The following SEMA5A variants were observed in gnomAD, a reference collection of about 807,000 sequenced individuals.
SEMA5A encodes semaphorin-5A.
A neutral mutation model predicts 135.5 loss-of-function variants in SEMA5A; 55 were observed. That is an observed-to-expected ratio of 0.41 (90% CI 0.33 to 0.51). SEMA5A has a LOEUF of 0.51. SEMA5A is among the 20% of genes least tolerant of loss of function. The pLI, the probability that SEMA5A is intolerant of heterozygous loss-of-function variation, is 0.37. For synonymous variants in SEMA5A, 580 were observed against 546.5 expected (o/e 1.06, Z -0.85); for missense variants, 1,290 against 1,419.9 (o/e 0.91, Z 1.47).
At chr5:9,542,062 G>T (rs1173060733) in intron 1 of SEMA5A, among the ~76,000 whole-genome samples, 1 of 151,992 alleles carries the variant, frequency 6.6e-6, no homozygotes. Flanking sequence ...CTTTAATTTT[G>T]CTTTTTCTTC....
At chr5:9,088,281 CA>C (rs562762206) in intron 16 of SEMA5A, among the ~76,000 whole-genome samples, 3 of 121,874 alleles carry the variant, frequency 2.5e-5, no homozygotes, top group Non-Finnish European at 4.9e-5. Flanking sequence ...TCCAGCCTGG[CA>C]ACAGAGTGAG....
At chr5:9,103,679 A>G (rs1056289133) in intron 16 of SEMA5A, among the ~76,000 whole-genome samples, 1 of 152,190 alleles carries the variant, frequency 6.6e-6, no homozygotes, top group African/African-American at 2.4e-5. Flanking sequence ...TTTTTGCTGT[A>G]TCTGACGCTG....
At chr5:9,156,553 G>A (rs1742966578) in intron 11 of SEMA5A, among the ~76,000 whole-genome samples, 1 of 152,190 alleles carries the variant, frequency 6.6e-6, no homozygotes, top group Admixed American at 6.5e-5. Context: ...TTAGGAGGGA[G>A]GCAGGGGAAG....
chr5:9,143,797 G>A (rs1276774610), intron 12 of SEMA5A, among the ~76,000 whole-genome samples: 1 of 118,116 alleles, frequency 8.5e-6, no homozygotes, highest in East Asian at 2.3e-4. Flanking sequence ...TGAATCCTGA[G>A]CTGTTTATCT....
intron 4 of SEMA5A, 75 bp from the exon 5 acceptor site, chr5:9,318,492 A>G: frequency 8.1e-7 from 1 of 1,241,740 alleles, no homozygotes; most frequent in Non-Finnish European, 1.1e-6. Flanking sequence ...AAATTTCAAG[A>G]ACAAAGAAAA....
intron 3 of SEMA5A, among the ~76,000 whole-genome samples, chr5:9,349,379 G>C (rs1579389145): frequency 6.6e-6 from 1 of 152,164 alleles, no homozygotes; most frequent in Admixed American, 6.5e-5. Context: ...TGTAGGTACT[G>C]CCTGGAATAC....
At chr5:9,522,269 A>G (rs1254937504) in intron 1 of SEMA5A, among the ~76,000 whole-genome samples, 1 of 152,184 alleles carries the variant, frequency 6.6e-6, no homozygotes, top group East Asian at 1.9e-4. Flanking sequence ...AGGCAGAGAC[A>G]AAGGGCGTAA....
intron 16 of SEMA5A, among the ~76,000 whole-genome samples, chr5:9,088,624 A>G (rs527475459): frequency 7.1e-6 from 1 of 140,578 alleles, no homozygotes; most frequent in East Asian, 2.0e-4. Flanking sequence ...AGCAGCAGGA[A>G]GCCTACATTT....
At chr5:9,539,001 G>A (rs1432995140) in intron 1 of SEMA5A, among the ~76,000 whole-genome samples, 1 of 152,184 alleles carries the variant, frequency 6.6e-6, no homozygotes, top group Non-Finnish European at 1.5e-5. Context: ...CTTTGTAAGT[G>A]TACAATTTAA....
chr5:9,398,775 T>C (rs1490042237), intron 2 of SEMA5A, among the ~76,000 whole-genome samples: 3 of 152,210 alleles, frequency 2.0e-5, no homozygotes, highest in Non-Finnish European at 4.4e-5. Context: ...AGGTTTAATC[T>C]GGAAAATAAA....
intron 5 of SEMA5A, among the ~76,000 whole-genome samples, chr5:9,292,629 G>A (rs1751141936): frequency 6.6e-6 from 1 of 151,906 alleles, no homozygotes; most frequent in South Asian, 2.1e-4. Flanking sequence ...AATTTTCATG[G>A]TGATTTATTC....
In SEMA5A at chr5:9,247,555, T is replaced by C. The variant is rs963626623; in HGVS notation, c.271-9665A>G. Among the ~76,000 whole-genome samples, 3 of 152,288 alleles carry C rather than the reference T, an allele frequency of 2.0e-5. No individual in the cohort carries two copies. The East Asian group carries it at 5.8e-4, about 29-fold the overall frequency. Reference sequence around the variant, plus strand: ...CAGATTATGAATGTTTCCTGGGGAATTGTTTTATACTCATGGAACAACTCA... The same window carrying C: ...CAGATTATGAATGTTTCCTGGGGAACTGTTTTATACTCATGGAACAACTCA... On this transcript the variant is annotated intron_variant, in intron 5 of 22. Transcript: ENST00000382496.
At chr5:9,293,866 G>A (rs1364651764) in intron 5 of SEMA5A, among the ~76,000 whole-genome samples, 2 of 152,288 alleles carry the variant, frequency 1.3e-5, no homozygotes, top group East Asian at 3.9e-4. Flanking sequence ...ATAAAAAATA[G>A]TAATACTGTT....
chr5:9,346,912 GTGTATATA>G (rs1480354813), intron 3 of SEMA5A, among the ~76,000 whole-genome samples: 19 of 150,086 alleles, frequency 1.3e-4, no homozygotes, highest in Non-Finnish European at 2.7e-4. Flanking sequence ...GTGTGTGTGT[GTGTATATA>G]TATATATATG....
Position 9,164,372 on chromosome 5 carries a change from A to G in SEMA5A, c.1274-9677T>C, listed in dbSNP as rs184186763. 3.9e-4 allele frequency among the ~76,000 whole-genome samples: 58 copies of G among 149,326 alleles called. No homozygotes were observed. In the East Asian group the frequency reaches 9.1e-3, roughly 23 times the overall value. ...ATTCTGGCATCCAGATAAACTGTTA[A>G]GCGCAATTTAAAAACTAGATTATAA... On this transcript the variant is annotated intron_variant, in intron 11 of 22. Coordinates refer to ENST00000382496, the MANE Select transcript of SEMA5A (RefSeq NM_003966.3).
At chr5:9,259,718 G>T (rs1749298043) in intron 5 of SEMA5A, among the ~76,000 whole-genome samples, 2 of 132,632 alleles carry the variant, frequency 1.5e-5, no homozygotes, top group African/African-American at 5.7e-5. Context: ...CCACATACCA[G>T]AATCTCTGGG....
intron 16 of SEMA5A, among the ~76,000 whole-genome samples, chr5:9,098,237 C>CAATAAATAAATAAATAAATA (rs3063984): frequency 5.0e-5 from 7 of 140,238 alleles, no homozygotes; most frequent in African/African-American, 1.6e-4. Context: ...GACTCTGTCT[C>CAATAAATAAATAAATAAATA]AATAAATAAA....
At chr5:9,150,503 AT>A (rs1234337020) in intron 12 of SEMA5A, among the ~76,000 whole-genome samples, 7 of 152,064 alleles carry the variant, frequency 4.6e-5, no homozygotes, top group African/African-American at 1.7e-4. Flanking sequence ...TCAAAACACA[AT>A]TTTTTTACTC....
At chr5:9,308,340 G>A (rs145830657) in intron 5 of SEMA5A, among the ~76,000 whole-genome samples, 85 of 152,202 alleles carry the variant, frequency 5.6e-4, no homozygotes, top group African/African-American at 1.3e-3. Flanking sequence ...TGTGGCAGCC[G>A]AAGAACAAGG....
Sources: gnomAD v4.1 joint callset for allele counts (sites outside exome capture counted in the v4.1 genomes callset) on GRCh38, gnomAD v4.1.1 for gene constraint, MANE v1.5 for transcripts, NCBI Gene and HGNC (gene_info 2026-07-23, HGNC 2026-07-21) for gene names.